NAF1: variants seen among roughly 807,000 people sequenced by gnomAD.
NAF1 encodes nuclear assembly factor 1 ribonucleoprotein.
A neutral mutation model predicts 40.6 loss-of-function variants in NAF1; 11 were observed. The ratio of observed to expected loss-of-function variants is 0.27; its 90% confidence interval spans 0.17 to 0.45. The LOEUF is 0.45. NAF1 is among the 20% of genes least tolerant of loss of function. The probability of loss-of-function intolerance (pLI) is 1.00; values close to 1 mark genes in which losing one functional copy is unlikely to be tolerated. For synonymous variants in NAF1, 260 were observed against 228.5 expected (o/e 1.14, Z -1.24); for missense variants, 607 against 611.1 (o/e 0.99, Z 0.07).
At chr4:163,158,407 AATTC>A (rs2111037426) in intron 2 of NAF1, 1 of 152,164 alleles carries the variant, frequency 6.6e-6, no homozygotes, top group East Asian at 1.9e-4. Context: ...CATGTATTCT[AATTC>A]ATTAACTTCT....
At chr4:163,110,322 TGA>T (rs780864911) in intron 2 of NAF1, 28 of 696,320 alleles carry the variant, frequency 4.0e-5, no homozygotes, top group African/African-American at 2.6e-4. Context: ...TCAGATATTT[TGA>T]GAGAGAAAGA....
intron 2 of NAF1, among the ~76,000 whole-genome samples, chr4:163,153,348 C>T (rs1731816356): frequency 6.6e-6 from 1 of 152,212 alleles, no homozygotes; most frequent in African/African-American, 2.4e-5. Context: ...GTCTCTATAT[C>T]TAGCTCTGGG....
At chr4:163,143,641 T>G (rs1423476111) in intron 4 of NAF1, among the ~76,000 whole-genome samples, 3 of 152,124 alleles carry the variant, frequency 2.0e-5, no homozygotes, top group African/African-American at 7.2e-5. Flanking sequence ...TTTCTCTAAG[T>G]AACAATAAAT....
the NAF1 span, among the ~76,000 whole-genome samples, chr4:163,103,930 G>A: frequency 6.6e-6 from 1 of 152,320 alleles, no homozygotes; most frequent in Middle Eastern, 3.4e-3. Context: ...CAGGCTATGT[G>A]TGAGCAATAA....
At chr4:163,120,251 G>A (rs576331362) in intron 2 of NAF1, among the ~76,000 whole-genome samples, 2 of 152,296 alleles carry the variant, frequency 1.3e-5, no homozygotes, top group African/African-American at 4.8e-5. Context: ...AATAGGTTTT[G>A]CACACTGTAG....
chr4:163,103,992 G>A, the NAF1 span, among the ~76,000 whole-genome samples: 1 of 152,010 alleles, frequency 6.6e-6, no homozygotes, highest in East Asian at 1.9e-4. Flanking sequence ...AAGAGAGTCA[G>A]AGAAGGGAGA....
chr4:163,141,475 C>A (rs1021770900), intron 4 of NAF1, among the ~76,000 whole-genome samples: 1 of 151,848 alleles, frequency 6.6e-6, no homozygotes, highest in Non-Finnish European at 1.5e-5. Flanking sequence ...GTATACTGCC[C>A]CCTTTTAAAA....
chr4:163,163,637 T>C (rs1732319939), intron 2 of NAF1, among the ~76,000 whole-genome samples: 1 of 152,078 alleles, frequency 6.6e-6, no homozygotes, highest in Non-Finnish European at 1.5e-5. Flanking sequence ...AGAGTTAACT[T>C]TGCAAACCAA....
chr4:163,105,766 T>C (rs891911825), downstream of NAF1, among the ~76,000 whole-genome samples: 15 of 152,338 alleles, frequency 9.8e-5, no homozygotes, highest in South Asian at 3.1e-3. Context: ...TTTGGACTTG[T>C]CTGGCTTGTA....
At position 163,166,496 on chromosome 4, in the gene NAF1, T is replaced by G. The variant is rs752192126; in HGVS notation, c.232A>C (p.Thr78Pro). Residue 78 changes from threonine (T) to proline (P), a missense_variant, in exon 1 of 8, where the codon ACC becomes CCC. This residue lies in a region of NAF1 where 407 missense variants were observed against 365.5 expected (regional missense o/e 1.11). Coordinates refer to ENST00000274054, the MANE Select transcript of NAF1 (RefSeq NM_138386.3). ...QPVLNAVAAG[T>P]PAPQPQPPAE... The stretch of plus-strand genomic sequence containing the variant: ...GGTGGCTGTGGCTGCGGCGCCGGGG[T>G]CCCGGCCGCGACGGCGTTCAGAACG... The G allele has an allele frequency of 1.2e-5, 19 of 1,598,202 alleles. No individual in the cohort carries two copies. The highest frequency in any genetic ancestry group is 4.5e-5 in the South Asian group (4 of 89,682).
At chr4:163,131,838 A>G (rs955571406) in intron 7 of NAF1, among the ~76,000 whole-genome samples, 1 of 152,250 alleles carries the variant, frequency 6.6e-6, no homozygotes, top group African/African-American at 2.4e-5. Context: ...AGTATCTAAA[A>G]TATACATTTT....
At chr4:163,141,938 G>C (rs1178761750) in intron 4 of NAF1, 4 of 980,984 alleles carry the variant, frequency 4.1e-6, no homozygotes, top group Non-Finnish European at 4.8e-6. Flanking sequence ...CACCTATCAG[G>C]GCACCACCAT....
chr4:163,152,248 T>C (rs1731739942), intron 2 of NAF1, among the ~76,000 whole-genome samples: 1 of 152,188 alleles, frequency 6.6e-6, no homozygotes, highest in Non-Finnish European at 1.5e-5. Context: ...ATTTTTAAAA[T>C]CAGAAATAAG....
rs1730778430 is a variant in NAF1 at position 163,129,280 on chromosome 4, A to G, written c.1102T>C (p.Tyr368His). The change falls in exon 8 of 8, where the codon TAT becomes CAT. Residue 368 changes from tyrosine (Y) to histidine (H), a missense_variant. Physicochemically the swap from Tyr to His is moderately conservative, Grantham distance 83. Transcript: ENST00000274054. ...CCTCGTGTGAATTCTCTGTTACGAT[A>G]TCCTTTTGCATGCTCTGAAGCAGAG... ...HSSASEHAKG[Y>H]RNREFTRGFS... 2 of 1,614,026 alleles carry G rather than the reference A, an allele frequency of 1.2e-6. No homozygotes were observed. Among genetic ancestry groups the G allele is most frequent in the African/African-American group, 2.7e-5 (2 of 74,930 alleles).
chr4:163,116,236 T>C (rs1055106173), intron 2 of NAF1, among the ~76,000 whole-genome samples: 2 of 152,212 alleles, frequency 1.3e-5, no homozygotes, highest in Non-Finnish European at 2.9e-5. Context: ...AACCCAGTGG[T>C]GTATACATAA....
downstream of NAF1, among the ~76,000 whole-genome samples, chr4:163,106,246 C>G (rs761298437): frequency 1.3e-5 from 2 of 152,096 alleles, no homozygotes; most frequent in East Asian, 3.9e-4. Context: ...TACATTATTT[C>G]AAACTAAGGA....
intron 2 of NAF1, among the ~76,000 whole-genome samples, chr4:163,150,675 T>C (rs563065169): frequency 6.6e-6 from 1 of 151,940 alleles, no homozygotes. Context: ...TATAATACAC[T>C]AGCTGCCTGA....
chr4:163,134,822 GA>G (rs1730994097), intron 6 of NAF1, among the ~76,000 whole-genome samples: 1 of 152,074 alleles, frequency 6.6e-6, no homozygotes, highest in African/African-American at 2.4e-5. Context: ...GGCAAAACCA[GA>G]AAAAATAAAA....
At chr4:163,130,618 A>G (rs28826687) in intron 7 of NAF1, among the ~76,000 whole-genome samples, 125,387 of 152,158 alleles carry the variant, frequency 0.82, 51,739 homozygotes, top group African/African-American at 0.86. Flanking sequence ...CCACATAAAC[A>G]TACAAAAATA....
Sources: allele counts gnomAD v4.1 joint callset (sites outside exome capture counted in the v4.1 genomes callset), GRCh38; gene constraint gnomAD v4.1.1; regional missense constraint gnomAD v4.1.1; transcripts MANE v1.5; gene names NCBI Gene and HGNC (gene_info 2026-07-23, HGNC 2026-07-21).